PCDHGB2: variants seen among roughly 807,000 people sequenced by gnomAD.
PCDHGB2 encodes the protein protocadherin gamma subfamily B, 2.
In PCDHGB2, 55 loss-of-function variants were observed where a neutral mutation model predicts 59.3. The ratio of observed to expected loss-of-function variants is 0.93; its 90% CI spans 0.75 to 1.16. PCDHGB2 has a LOEUF of 1.16. Ranked by LOEUF, PCDHGB2 falls within the 50% of genes most tolerant of loss-of-function variation. PCDHGB2 has a pLI of 0.00. For synonymous variants in PCDHGB2, 516 were observed against 512.0 expected (o/e 1.01, Z -0.11); for missense variants, 1,228 against 1,198.5 (o/e 1.02, Z -0.36).
intron 1 of PCDHGB2, chr5:141,478,623 G>GT (rs1337268572): frequency 1.3e-5 from 20 of 1,554,356 alleles, no homozygotes; most frequent in Admixed American, 3.9e-5. Flanking sequence ...GAATGGAGCT[G>GT]TTTTTTTAGT....
At position 141,487,681 on chromosome 5, in the gene PCDHGB2, T is replaced by C. The variant is rs754032560; in HGVS notation, c.2422-7126T>C. The stretch of plus-strand genomic sequence containing the variant: ...CTGATCCAGGCATATGGCTAGGCCA[T>C]GTCCTAGAGAGTACTGGCCTCTCAG... On this transcript the variant is annotated intron_variant, in intron 1 of 3. Coordinates refer to ENST00000522605, the MANE Select transcript of PCDHGB2 (RefSeq NM_018923.3). The surrounding 1 kb of genome is among the most constrained non-coding windows in gnomAD (Gnocchi z 5.0). 1.1e-5 allele frequency: 18 copies of C among 1,608,852 alleles called. No individual in the cohort carries two copies. The highest frequency in any genetic ancestry group is 4.5e-5 in the East Asian group (2 of 44,816).
At position 141,490,545 on chromosome 5, in the gene PCDHGB2, C is replaced by T; in HGVS notation, c.2422-4262C>T. 3 of 1,614,164 alleles carry T rather than the reference C, an allele frequency of 1.9e-6. No homozygotes were observed. The highest frequency in any genetic ancestry group is 2.5e-6 in the Non-Finnish European group (3 of 1,180,018). ...GCGATGCTGGTTCACCTTCCCTACA[C>T]AAACATCTCACCATCAGGCTCAACA... On this transcript the variant is annotated intron_variant, in intron 1 of 3. Coordinates refer to ENST00000522605, the MANE Select transcript of PCDHGB2 (RefSeq NM_018923.3). The surrounding 1 kb of genome is among the most constrained non-coding windows in gnomAD (Gnocchi z 5.4).
chr5:141,432,997 G>A lies in PCDHGB2; in HGVS notation c.2422-61810G>A, dbSNP rs778828769. ...CGCACTTTGTGGGCGTGGACGGGGT[G>A]CAGGCTTTCCTGCAGACCTATTCCC... is the stretch of plus-strand genomic sequence containing the variant. On this transcript the variant is annotated intron_variant, in intron 1 of 3. Coordinates refer to ENST00000522605, the MANE Select transcript of PCDHGB2 (RefSeq NM_018923.3). This position sits in a 1 kb window ranked among gnomAD's most constrained non-coding sequence, Gnocchi z 6.0. 5 of 1,614,082 alleles carry A rather than the reference G, an allele frequency of 3.1e-6. No homozygotes were observed. In the Admixed American group the frequency reaches 8.3e-5, roughly 27 times the overall value.
In PCDHGB2 at chr5:141,487,414, T is replaced by C; in HGVS notation, c.2422-7393T>C. On this transcript the variant is annotated intron_variant, in intron 1 of 3. Coordinates refer to ENST00000522605, the MANE Select transcript of PCDHGB2 (RefSeq NM_018923.3). This position sits in a 1 kb window ranked among gnomAD's most constrained non-coding sequence, Gnocchi z 5.0. The stretch of plus-strand genomic sequence containing the variant: ...GGAGGGAGGGGCTTCCCCCTTCCAA[T>C]GGGATCCTCCGAATCCAGCTAGGGT... 3.7e-6 allele frequency: 6 copies of C among 1,614,174 alleles called. No individual in the cohort carries two copies. The highest frequency in any genetic ancestry group is 5.1e-6 in the Non-Finnish European group (6 of 1,180,006).
intron 1 of PCDHGB2, chr5:141,364,438 G>T: frequency 6.2e-7 from 1 of 1,613,820 alleles, no homozygotes; most frequent in African/African-American, 1.3e-5. Flanking sequence ...ACTCGATGCC[G>T]GAGGAGCTGG....
chr5:141,387,727 C>T, intron 1 of PCDHGB2: 3 of 1,216,044 alleles, frequency 2.5e-6, no homozygotes, highest in South Asian at 3.2e-5. Context: ...CTCCCCAGCG[C>T]CAGCCTTTAC....
intron 1 of PCDHGB2, chr5:141,384,799 G>A: frequency 1.2e-6 from 2 of 1,613,476 alleles, no homozygotes; most frequent in South Asian, 1.1e-5. Context: ...GGCCCTGCTG[G>A]ACAGAGATGC....
intron 1 of PCDHGB2, chr5:141,391,466 C>T (rs375470029): frequency 2.6e-5 from 4 of 152,276 alleles, no homozygotes; most frequent in East Asian, 3.9e-4. Context: ...CTCATGCCAC[C>T]AGACCTGGCT....
At chr5:141,393,348 T>A in intron 1 of PCDHGB2, 1 of 1,613,848 alleles carries the variant, frequency 6.2e-7, no homozygotes, top group Non-Finnish European at 8.5e-7. Flanking sequence ...TCACCACTTC[T>A]CCCTGGACGT....
chr5:141,375,469 T>C (rs762486539), intron 1 of PCDHGB2: 1 of 1,613,946 alleles, frequency 6.2e-7, no homozygotes, highest in South Asian at 1.1e-5. Flanking sequence ...TCTATGTCCT[T>C]GAAAACAACC....
At chr5:141,470,139 A>AT (rs146570937) in intron 1 of PCDHGB2, among the ~76,000 whole-genome samples, 7,047 of 152,316 alleles carry the variant, frequency 0.046, 200 homozygotes, top group Middle Eastern at 0.092. Flanking sequence ...AAAAAAAAAG[A>AT]TCATAGATCA....
intron 1 of PCDHGB2, chr5:141,389,222 C>T (rs765730840): frequency 6.2e-7 from 1 of 1,614,072 alleles, no homozygotes; most frequent in Non-Finnish European, 8.5e-7. Flanking sequence ...TAAATGACAA[C>T]GCTCCGGTTT....
intron 1 of PCDHGB2, chr5:141,399,397 G>C: frequency 1.2e-6 from 2 of 1,613,940 alleles, no homozygotes; most frequent in Non-Finnish European, 8.5e-7. Context: ...CACAGACAGG[G>C]GCAAGCCGCC....
intron 1 of PCDHGB2, chr5:141,388,752 T>C: frequency 6.2e-7 from 1 of 1,614,002 alleles, no homozygotes; most frequent in East Asian, 2.2e-5. Context: ...GATCACCCAA[T>C]TTGACCTGAA....
At chr5:141,373,389 A>G (rs1769537538) in intron 1 of PCDHGB2, among the ~76,000 whole-genome samples, 1 of 152,210 alleles carries the variant, frequency 6.6e-6, no homozygotes, top group South Asian at 2.1e-4. Context: ...GTGTTTGTGT[A>G]GCATATGCCT....
intron 1 of PCDHGB2, chr5:141,389,052 T>C (rs769661783): frequency 9.5e-5 from 153 of 1,613,794 alleles, no homozygotes; most frequent in Non-Finnish European, 8.5e-5. Flanking sequence ...TGATGTTCCA[T>C]TTAAAATATT....
chr5:141,489,283 G>A lies in PCDHGB2; in HGVS notation c.2422-5524G>A. The A allele has an allele frequency of 6.4e-7, 1 of 1,569,594 alleles. No homozygotes were observed. Among genetic ancestry groups the A allele is most frequent in the Admixed American group, 1.8e-5 (1 of 55,646 alleles). ...CCCACAGCTCGCTGGGAAATGGCAA[G>A]TGCTGTGCATGTTGTCCTTGTGCTG... On this transcript the variant is annotated intron_variant, in intron 1 of 3. Coordinates refer to ENST00000522605, the MANE Select transcript of PCDHGB2 (RefSeq NM_018923.3). This position sits in a 1 kb window ranked among gnomAD's most constrained non-coding sequence, Gnocchi z 4.5.
At chr5:141,443,498 C>G (rs1217918256) in intron 1 of PCDHGB2, among the ~76,000 whole-genome samples, 3 of 152,036 alleles carry the variant, frequency 2.0e-5, no homozygotes, top group Non-Finnish European at 4.4e-5. Context: ...AACAAACAAA[C>G]AAATAAAGAG....
chr5:141,406,647 A>G (rs2094834813), intron 1 of PCDHGB2, among the ~76,000 whole-genome samples: 1 of 152,182 alleles, frequency 6.6e-6, no homozygotes, highest in Non-Finnish European at 1.5e-5. Context: ...TAATTTCCTA[A>G]TGCTTTAATG....
Sources: allele counts gnomAD v4.1 joint callset (sites outside exome capture counted in the v4.1 genomes callset), GRCh38; gene constraint gnomAD v4.1.1; non-coding constraint Gnocchi (gnomAD v3.1); transcripts MANE v1.5; gene names NCBI Gene and HGNC (gene_info 2026-07-23, HGNC 2026-07-21).